KAZN: variants seen among roughly 807,000 people sequenced by gnomAD.
KAZN encodes kazrin.
Under a neutral mutation model 87.4 loss-of-function variants are expected in KAZN, and 40 were observed. The observed-to-expected ratio is 0.46, with a 90% CI of 0.36 to 0.60. KAZN has a LOEUF of 0.60. Ranked by LOEUF, KAZN falls within the 20% of genes least tolerant of loss-of-function variation. The pLI is 0.00. For synonymous variants in KAZN, 466 were observed against 458.3 expected, an observed-to-expected ratio of 1.02 and a Z score of -0.22; for missense variants, 898 against 1,073.9, an observed-to-expected ratio of 0.84 and a Z score of 2.29.
intron 1 of KAZN, among the ~76,000 whole-genome samples, chr1:14,800,683 AAC>A (rs952239323): frequency 6.6e-6 from 1 of 152,202 alleles, no homozygotes; most frequent in African/African-American, 2.4e-5. Flanking sequence ...CAGCCTGCAC[AAC>A]AGAGTGAGGC....
At chr1:14,519,099 T>G (rs1031087805) in intron 2 of KAZN, among the ~76,000 whole-genome samples, 6 of 151,952 alleles carry the variant, frequency 3.9e-5, no homozygotes, top group Non-Finnish European at 7.4e-5. Flanking sequence ...TGTCCCTGAG[T>G]CCCATTCAGC....
chr1:14,356,606 G>A (rs183513240), intron 2 of KAZN, among the ~76,000 whole-genome samples: 215 of 152,220 alleles, frequency 1.4e-3, no homozygotes, highest in African/African-American at 4.5e-3. Context: ...TTTTGTATAA[G>A]GTGTAAGGAA....
At chr1:14,365,558 A>G (rs1246377506) in intron 2 of KAZN, among the ~76,000 whole-genome samples, 1 of 152,232 alleles carries the variant, frequency 6.6e-6, no homozygotes, top group Non-Finnish European at 1.5e-5. Context: ...TCATAACTGC[A>G]AAGTTTTGCA....
At chr1:14,497,820 TG>T (rs1670030625) in intron 2 of KAZN, among the ~76,000 whole-genome samples, 1 of 144,628 alleles carries the variant, frequency 6.9e-6, no homozygotes, top group African/African-American at 2.7e-5. Context: ...CAATTTGAGA[TG>T]GAAAAAAAAA....
chr1:13,977,687 T>C (rs1419425952), intron 1 of KAZN, among the ~76,000 whole-genome samples: 5 of 152,208 alleles, frequency 3.3e-5, no homozygotes, highest in South Asian at 4.1e-4. Flanking sequence ...CTGGAACTTA[T>C]AACAATGTTG....
rs571214836 is a variant in KAZN, at chr1:13,960,704, C to G, written c.91+66948C>G. 3.9e-5 allele frequency among the ~76,000 whole-genome samples: 6 copies of G among 152,316 alleles called. No homozygotes were observed. The South Asian group carries it at 1.2e-3, about 32-fold the overall frequency. The stretch of plus-strand genomic sequence containing the variant: ...GGGTCCTACTTGGGCTAGTGTCTCC[C>G]AGGACACGAGGAAGGATAAGTTTCC... On this transcript the variant is annotated intron_variant, in intron 1 of 16. Coordinates refer to the KAZN transcript ENST00000636203.
chr1:14,924,204 G>A, intron 1 of KAZN: 1 of 981,402 alleles, frequency 1.0e-6, no homozygotes, highest in Non-Finnish European at 1.2e-6. Context: ...GCGTCCGGCC[G>A]GACTGAGAGC....
intron 1 of KAZN, among the ~76,000 whole-genome samples, chr1:14,606,356 G>A (rs919239908): frequency 8.5e-5 from 13 of 152,082 alleles, no homozygotes; most frequent in African/African-American, 2.7e-4. Context: ...GGGTCCTTAC[G>A]GTAAAGTCTT....
Position 14,842,063 on chromosome 1 carries a change from C to T in KAZN, c.227-118621C>T, listed in dbSNP as rs550772985. On this transcript the variant is annotated intron_variant, in intron 1 of 14. Coordinates refer to ENST00000376030, the MANE Select transcript of KAZN (RefSeq NM_201628.3). ...CTAACTGCAGCTTCCAACCACAGCA[C>T]TTCTTGTCCCCCTCCCTGCTCTCTT... Among the ~76,000 whole-genome samples the T allele has an allele frequency of 1.4e-4, 21 of 152,328 alleles. 1 individual carries two copies. Among genetic ancestry groups the T allele is most frequent in the African/African-American group, 3.1e-4 (13 of 41,582 alleles).
At chr1:14,927,414 C>T (rs1048788162) in intron 1 of KAZN, among the ~76,000 whole-genome samples, 19 of 152,134 alleles carry the variant, frequency 1.2e-4, no homozygotes, top group Admixed American at 2.0e-4. Context: ...GGCAAATAGG[C>T]ACAGGATATG....
intron 1 of KAZN, among the ~76,000 whole-genome samples, chr1:14,901,809 C>T (rs1655958833): frequency 6.6e-6 from 1 of 152,198 alleles, no homozygotes; most frequent in Non-Finnish European, 1.5e-5. Context: ...CTGCCTCTCT[C>T]TGGGGCGGCC....
At chr1:14,498,523 C>G (rs1670073509) in intron 2 of KAZN, among the ~76,000 whole-genome samples, 1 of 152,082 alleles carries the variant, frequency 6.6e-6, no homozygotes. Context: ...GAAACCCCAT[C>G]TCTACTAAAA....
intron 2 of KAZN, among the ~76,000 whole-genome samples, chr1:14,224,394 C>G (rs1386256553): frequency 2.0e-5 from 3 of 152,014 alleles, no homozygotes; most frequent in Non-Finnish European, 2.9e-5. Context: ...GTAGAACATA[C>G]TAAGATAAAC....
At chr1:14,477,689 C>T (rs1263488852) in intron 2 of KAZN, among the ~76,000 whole-genome samples, 1 of 152,072 alleles carries the variant, frequency 6.6e-6, no homozygotes, top group Non-Finnish European at 1.5e-5. Context: ...GACCCAGAGT[C>T]CCTGCCACTT....
intron 1 of KAZN, among the ~76,000 whole-genome samples, chr1:13,995,983 T>TA (rs1639495406): frequency 6.6e-6 from 1 of 152,066 alleles, no homozygotes; most frequent in Admixed American, 6.5e-5. Context: ...AAAAGAACCA[T>TA]AATAAGCATG....
At chr1:14,315,640 T>C (rs1480305671) in intron 2 of KAZN, among the ~76,000 whole-genome samples, 1 of 152,050 alleles carries the variant, frequency 6.6e-6, no homozygotes, top group Non-Finnish European at 1.5e-5. Context: ...TTCATATAAA[T>C]GGGATGATGT....
chr1:14,911,085 A>G (rs1467306097), intron 1 of KAZN, among the ~76,000 whole-genome samples: 2 of 152,202 alleles, frequency 1.3e-5, no homozygotes, highest in African/African-American at 4.8e-5. Context: ...CCTCTGAACC[A>G]GACAGACAGG....
At chr1:14,808,290 C>CTTTTTTTT (rs57548450) in intron 1 of KAZN, among the ~76,000 whole-genome samples, 16 of 88,096 alleles carry the variant, frequency 1.8e-4, no homozygotes, top group African/African-American at 2.6e-4. Flanking sequence ...AAAGAGGTTT[C>CTTTTTTTT]TTTTTTTTTT....
chr1:14,038,400 C>T (rs140120068), intron 1 of KAZN, among the ~76,000 whole-genome samples: 1 of 152,180 alleles, frequency 6.6e-6, no homozygotes, highest in African/African-American at 2.4e-5. Context: ...AAGGGAGCCC[C>T]CAGGTCAAAG....
Sources: gnomAD v4.1 joint callset for allele counts (sites outside exome capture counted in the v4.1 genomes callset) on GRCh38, gnomAD v4.1.1 for gene constraint, MANE v1.5 for transcripts, NCBI Gene and HGNC (gene_info 2026-07-23, HGNC 2026-07-21) for gene names.